USP54: variants seen among roughly 807,000 people sequenced by gnomAD.
USP54 encodes the protein ubiquitin carboxyl-terminal hydrolase 54.
A neutral mutation model predicts 170.5 loss-of-function variants in USP54; 87 were observed. The ratio of observed to expected loss-of-function variants is 0.51; its 90% CI spans 0.43 to 0.61. The LOEUF is 0.61. USP54 is among the 20% of genes least tolerant of loss of function. USP54 has a pLI of 0.00. For missense variants in USP54, 1,786 were observed against 2,047.8 expected, an observed-to-expected ratio of 0.87 and a Z score of 2.47; for synonymous variants, 655 against 742.8, an observed-to-expected ratio of 0.88 and a Z score of 1.92.
intron 4 of USP54, among the ~76,000 whole-genome samples, chr10:73,547,273 A>G (rs2068052653): frequency 6.6e-6 from 1 of 152,136 alleles, no homozygotes; most frequent in African/African-American, 2.4e-5. Flanking sequence ...ATGGTGGTGC[A>G]TGCCTGTAGT....
At chr10:73,606,175 C>CAAAAAAAAAAAAAAAAAAAAAAAAAAAAA (rs1178699732) in intron 1 of USP54, among the ~76,000 whole-genome samples, 1 of 25,622 alleles carries the variant, frequency 3.9e-5, no homozygotes, top group Non-Finnish European at 9.8e-5. Flanking sequence ...GAGGCTGTCT[C>CAAAAAAAAAAAAAAAAAAAAAAAAAAAAA]AAAAAAAAAA....
At chr10:73,570,658 C>T (rs1212006221) in intron 4 of USP54, among the ~76,000 whole-genome samples, 3 of 151,670 alleles carry the variant, frequency 2.0e-5, no homozygotes, top group Admixed American at 6.6e-5. Context: ...GCAATCCTCC[C>T]ACCTTGACCT....
At chr10:73,570,076 T>C (rs2074826078) in intron 4 of USP54, among the ~76,000 whole-genome samples, 1 of 151,968 alleles carries the variant, frequency 6.6e-6, no homozygotes. Flanking sequence ...AAATTAAACA[T>C]ATAACGATCA....
intron 1 of USP54, among the ~76,000 whole-genome samples, chr10:73,608,184 C>T (rs2079833984): frequency 6.6e-6 from 1 of 151,806 alleles, no homozygotes; most frequent in Admixed American, 6.6e-5. Context: ...TGCTTGAACC[C>T]GGGAGGCGGA....
chr10:73,543,209 T>C (rs1487050057), intron 5 of USP54, 78 bp from the exon 6 acceptor site: 7 of 994,320 alleles, frequency 7.0e-6, no homozygotes, highest in African/African-American at 6.5e-5. Flanking sequence ...AGCTTACCCA[T>C]AGAAACAGCA....
chr10:73,587,959 G>A (rs550735085), intron 1 of USP54, among the ~76,000 whole-genome samples: 4 of 152,060 alleles, frequency 2.6e-5, no homozygotes, highest in East Asian at 1.9e-4. Context: ...AATAATGTAC[G>A]CAGAATACTT....
intron 1 of USP54, among the ~76,000 whole-genome samples, chr10:73,622,512 T>C (rs111281316): frequency 0.086 from 13,074 of 151,768 alleles, 825 homozygotes; most frequent in African/African-American, 0.18. Context: ...TTAGTAGAGA[T>C]GGGGTTTCAC....
chr10:73,606,494 G>A (rs2132289728), intron 1 of USP54: 1 of 152,110 alleles, frequency 6.6e-6, no homozygotes, highest in African/African-American at 2.4e-5. Flanking sequence ...TGTTGAGAGA[G>A]AAACACTCTA....
chr10:73,551,553 A>AG (rs1264495478), intron 4 of USP54, among the ~76,000 whole-genome samples: 1 of 152,208 alleles, frequency 6.6e-6, no homozygotes, highest in Admixed American at 6.5e-5. Context: ...AGGAAAAGGA[A>AG]GGGGGAAAAA....
intron 4 of USP54, among the ~76,000 whole-genome samples, chr10:73,548,162 A>T (rs2068299162): frequency 6.6e-6 from 1 of 152,248 alleles, no homozygotes; most frequent in Non-Finnish European, 1.5e-5. Flanking sequence ...AGAGAAATGC[A>T]AATCAAAACC....
chr10:73,543,937 C>G (rs985756125), intron 5 of USP54, among the ~76,000 whole-genome samples: 2 of 151,736 alleles, frequency 1.3e-5, no homozygotes, highest in African/African-American at 4.8e-5. Context: ...GGATCACATA[C>G]CACATAACCT....
At chr10:73,589,298 C>T (rs1265572374) in intron 1 of USP54, among the ~76,000 whole-genome samples, 1 of 152,148 alleles carries the variant, frequency 6.6e-6, no homozygotes, top group Non-Finnish European at 1.5e-5. Context: ...TCATACCTTG[C>T]GCTTCCAAAA....
At chr10:73,573,148 C>T (rs1042704479) in intron 3 of USP54, among the ~76,000 whole-genome samples, 2 of 151,760 alleles carry the variant, frequency 1.3e-5, no homozygotes, top group Non-Finnish European at 2.9e-5. Flanking sequence ...AAATTAGCTG[C>T]GTGTGGTAGC....
intron 1 of USP54, among the ~76,000 whole-genome samples, chr10:73,586,460 G>A (rs1447285074): frequency 6.6e-6 from 1 of 152,094 alleles, no homozygotes. Context: ...ACAGTTATTT[G>A]GGTACGTGGA....
Position 73,526,265 on chromosome 10 carries a change from T to C in USP54, c.2194+382A>G, listed in dbSNP as rs78982652. ...AAACTGTAACTGTCCTCTTTTTTTT[T>C]GAAATGGAGTCTCACTCTGTCGCCC... On this transcript the variant is annotated intron_variant, in intron 16 of 23. Coordinates refer to ENST00000687698, the MANE Select transcript of USP54 (RefSeq NM_001391956.1). Among the ~76,000 whole-genome samples, 9 of 152,258 alleles carry C rather than the reference T, an allele frequency of 5.9e-5. No individual in the cohort carries two copies. The East Asian group carries it at 1.7e-3, about 29-fold the overall frequency.
At chr10:73,564,251 T>C (rs1265070228) in intron 4 of USP54, among the ~76,000 whole-genome samples, 1 of 152,230 alleles carries the variant, frequency 6.6e-6, no homozygotes, top group Admixed American at 6.5e-5. Flanking sequence ...TCCTCCCACC[T>C]TGGCCTCCCA....
chr10:73,576,506 G>GAAAAAAAAAAAAAAAAAAAAA (rs112010968), intron 1 of USP54, 145 bp from the exon 2 acceptor site: 2 of 74,868 alleles, frequency 2.7e-5, no homozygotes, highest in African/African-American at 5.2e-5. Context: ...AAGAAAAAAA[G>GAAAAAAAAAAAAAAAAAAAAA]AAAAAAAAAA....
At chr10:73,563,200 T>C (rs1201867082) in intron 4 of USP54, among the ~76,000 whole-genome samples, 1 of 152,052 alleles carries the variant, frequency 6.6e-6, no homozygotes, top group Non-Finnish European at 1.5e-5. Flanking sequence ...GCGATCCTCC[T>C]GCCTCAGCCT....
chr10:73,509,176 C>A (rs930455060), intron 20 of USP54, among the ~76,000 whole-genome samples: 2 of 147,374 alleles, frequency 1.4e-5, no homozygotes, highest in Non-Finnish European at 3.0e-5. Context: ...TTGTTTGAAT[C>A]CTGACTTGAA....
Sources: allele counts gnomAD v4.1 joint callset (sites outside exome capture counted in the v4.1 genomes callset), GRCh38; gene constraint gnomAD v4.1.1; transcripts MANE v1.5; gene names NCBI Gene and HGNC (gene_info 2026-07-23, HGNC 2026-07-21).